The following STYXL1 variants were observed in gnomAD, a reference collection of about 807,000 sequenced individuals.
STYXL1 encodes the protein serine/threonine/tyrosine-interacting-like protein 1.
Under a neutral mutation model 36.4 loss-of-function variants are expected in STYXL1, and 32 were observed. The observed-to-expected ratio is 0.88, with a 90% CI of 0.66 to 1.18. The LOEUF (loss-of-function observed/expected upper bound fraction) is 1.18, where lower values mean the gene tolerates loss of function less well. Ranked by LOEUF, STYXL1 falls within the 50% of genes most tolerant of loss-of-function variation. The pLI, the probability that STYXL1 is intolerant of heterozygous loss-of-function variation, is 0.00. For missense variants in STYXL1, 354 were observed against 394.1 expected (o/e 0.90, Z 0.86); for synonymous variants, 133 against 144.1 (o/e 0.92, Z 0.55).
chr7:76,046,327 TGTGTGTGTGTGTGCGC>T (rs1563535244), intron 1 of STYXL1, among the ~76,000 whole-genome samples: 19 of 13,670 alleles, frequency 1.4e-3, no homozygotes, highest in East Asian at 4.3e-3. Flanking sequence ...TGTGTGTGTG[TGTGTGTGTGTGTGCGC>T]GCGCGCGCGC....
chr7:76,003,253 T>C (rs1554568417), intron 7 of STYXL1, among the ~76,000 whole-genome samples: 1 of 152,180 alleles, frequency 6.6e-6, no homozygotes, highest in African/African-American at 2.4e-5. Flanking sequence ...CTAGGCAACA[T>C]AGCAAGACCC....
intron 4 of STYXL1, among the ~76,000 whole-genome samples, chr7:76,020,534 C>A (rs1179404845): frequency 2.0e-5 from 3 of 152,206 alleles, no homozygotes; most frequent in African/African-American, 7.2e-5. Context: ...ACTACCCAAT[C>A]CCTGGGGGAC....
intron 3 of STYXL1, among the ~76,000 whole-genome samples, chr7:76,026,849 C>T (rs1554577877): frequency 6.6e-6 from 1 of 152,116 alleles, no homozygotes; most frequent in African/African-American, 2.4e-5. Context: ...GAGTTCCAGA[C>T]CAGCCTGGCC....
chr7:76,046,931 A>G (rs1297639539), intron 1 of STYXL1, among the ~76,000 whole-genome samples: 1 of 150,832 alleles, frequency 6.6e-6, no homozygotes, highest in East Asian at 2.0e-4. Flanking sequence ...GATTACAGGC[A>G]TGAGCCACCT....
intron 1 of STYXL1, among the ~76,000 whole-genome samples, chr7:76,034,297 A>C (rs983709108): frequency 1.6e-4 from 24 of 151,966 alleles, no homozygotes; most frequent in Admixed American, 1.6e-3. Flanking sequence ...GGGTCTCACT[A>C]TGTTGCCCAG....
chr7:76,030,494 T>C lies in STYXL1; in HGVS notation c.30A>G (p.Thr10=), dbSNP rs781861223. The C allele has an allele frequency of 1.2e-6, 2 of 1,613,946 alleles. No homozygotes were observed. The highest frequency in any genetic ancestry group is 1.1e-5 in the South Asian group (1 of 91,074). MPGLLLCEP[T]ELYNILNQAT... ...CCTGATTCAGGATGTTGTAAAGCTC[T>C]GTTGGTTCACATAAAAGCAAACCAG... The change falls in exon 2 of 9, where the codon ACA becomes ACG. Residue 10 remains threonine, a synonymous_variant. Transcript: ENST00000359697.
chr7:76,031,666 G>C (rs536886828), intron 1 of STYXL1, among the ~76,000 whole-genome samples: 31 of 145,910 alleles, frequency 2.1e-4, no homozygotes, highest in Non-Finnish European at 1.8e-4. Flanking sequence ...AGTGAGCCAA[G>C]ATTGCACCAC....
intron 1 of STYXL1, among the ~76,000 whole-genome samples, chr7:76,040,566 C>T (rs900704434): frequency 2.6e-5 from 4 of 152,122 alleles, no homozygotes; most frequent in Admixed American, 1.3e-4. Context: ...AGGCTGGGCA[C>T]GGTGGCTCAC....
intron 3 of STYXL1, among the ~76,000 whole-genome samples, chr7:76,023,310 G>A (rs1416641725): frequency 1.3e-5 from 2 of 151,982 alleles, no homozygotes; most frequent in African/African-American, 4.8e-5. Flanking sequence ...TTCCAATTCT[G>A]ATTGGCTCAG....
chr7:76,017,912 T>C (rs1554574548), intron 4 of STYXL1, among the ~76,000 whole-genome samples: 1 of 113,738 alleles, frequency 8.8e-6, no homozygotes, highest in Non-Finnish European at 1.9e-5. Flanking sequence ...AAAAACTACC[T>C]ACTACCTATT....
chr7:76,032,089 C>A (rs1236514273), intron 1 of STYXL1, among the ~76,000 whole-genome samples: 1 of 151,942 alleles, frequency 6.6e-6, no homozygotes, highest in Non-Finnish European at 1.5e-5. Flanking sequence ...GACCACATAG[C>A]AAGACCCTGT....
chr7:76,034,570 T>C (rs1795732052), intron 1 of STYXL1, among the ~76,000 whole-genome samples: 1 of 152,184 alleles, frequency 6.6e-6, no homozygotes, highest in South Asian at 2.1e-4. Context: ...CCCCCGGGCT[T>C]ACTTTCCTTT....
chr7:76,010,644 G>C (rs117154037), intron 5 of STYXL1, among the ~76,000 whole-genome samples: 2,104 of 152,224 alleles, frequency 0.014, 16 homozygotes, highest in Non-Finnish European at 0.022. Context: ...CCAGAGAGCA[G>C]GCACTTTCCC....
At chr7:76,026,117 G>A (rs1336057588) in intron 3 of STYXL1, among the ~76,000 whole-genome samples, 7 of 140,728 alleles carry the variant, frequency 5.0e-5, no homozygotes, top group Admixed American at 7.5e-5. Flanking sequence ...GCGTTAACCC[G>A]GGAGGTGGAG....
chr7:76,021,884 C>A lies in STYXL1; in HGVS notation c.274G>T (p.Asp92Tyr), dbSNP rs556978337. 4 of 1,613,738 alleles carry A rather than the reference C, an allele frequency of 2.5e-6. No individual in the cohort carries two copies. Among genetic ancestry groups the A allele is most frequent in the South Asian group, 2.2e-5 (2 of 91,072 alleles). ...STLEILLKDD[D>Y]DDSDSDGDGK... Reference sequence around the variant, plus strand: ...TCACCATCAGAGTCTGAATCATCATCATCATCTTTTAAGAGTATCTCCAGG... The same window carrying A: ...TCACCATCAGAGTCTGAATCATCATAATCATCTTTTAAGAGTATCTCCAGG... The change falls in exon 4 of 9, where the codon GAT (aspartate) becomes TAT (tyrosine). Residue 92 changes from aspartate (D) to tyrosine (Y), a missense_variant. By Grantham distance (160) the Asp-to-Tyr change is radical (BLOSUM62 -3). Coordinates refer to ENST00000359697, the MANE Select transcript of STYXL1 (RefSeq NM_001317785.2).
intron 1 of STYXL1, among the ~76,000 whole-genome samples, 168 bp from the exon 2 acceptor site, chr7:76,030,695 G>A (rs146879532): frequency 0.012 from 1,867 of 152,090 alleles, 25 homozygotes; most frequent in African/African-American, 0.036. Context: ...AATATAGTGC[G>A]CAGAGGAGAA....
At chr7:76,026,562 G>A (rs1210908363) in intron 3 of STYXL1, among the ~76,000 whole-genome samples, 1 of 152,272 alleles carries the variant, frequency 6.6e-6, no homozygotes, top group East Asian at 1.9e-4. Flanking sequence ...GATTACAGGA[G>A]TAAGCCTCCA....
rs376549002 is a variant in STYXL1 at position 75,996,507 on chromosome 7, A to G, written c.903T>C (p.Leu301=). 9.9e-6 allele frequency: 16 copies of G among 1,614,080 alleles called. No individual in the cohort carries two copies. The African/African-American group carries it at 2.0e-4, about 20-fold the overall frequency. The stretch of plus-strand genomic sequence containing the variant: ...CCATGATGTTTGTGATGGAATCTCC[A>G]AGGATAGTCTTCTCCCATTCCAGCA... ...SQLLEWEKTI[L]GDSITNIMDP... The change falls in exon 9 of 9, where the codon CTT becomes CTC. Residue 301 remains leucine (L), a synonymous_variant. Coordinates refer to ENST00000359697, the MANE Select transcript of STYXL1 (RefSeq NM_001317785.2).
chr7:75,996,510 G>T lies in STYXL1; in HGVS notation c.900C>A (p.Ile300=). ...TGATGTTTGTGATGGAATCTCCAAG[G>T]ATAGTCTTCTCCCATTCCAGCAGCT... The part of the protein sequence containing the change: ...VSQLLEWEKT[I]LGDSITNIMD... The change falls in exon 9 of 9, where the codon ATC becomes ATA. Residue 300 remains isoleucine, a synonymous_variant. Coordinates refer to ENST00000359697, the MANE Select transcript of STYXL1 (RefSeq NM_001317785.2). The T allele has an allele frequency of 6.2e-7, 1 of 1,614,230 alleles. No homozygotes were observed. Among genetic ancestry groups the T allele is most frequent in the Non-Finnish European group, 8.5e-7 (1 of 1,180,046 alleles).
Sources: allele counts gnomAD v4.1 joint callset (sites outside exome capture counted in the v4.1 genomes callset), GRCh38; gene constraint gnomAD v4.1.1; transcripts MANE v1.5; gene names NCBI Gene and HGNC (gene_info 2026-07-23, HGNC 2026-07-21).